Variants in CELF1 observed in about 807,000 individuals in gnomAD.
CELF1 encodes the protein 50 kDa nuclear polyadenylated RNA-binding protein.
A neutral mutation model predicts 61.8 loss-of-function variants in CELF1; 10 were observed. That is an observed-to-expected ratio of 0.16 (90% CI 0.10 to 0.27). The LOEUF (loss-of-function observed/expected upper bound fraction) is 0.27, where lower values mean the gene tolerates loss of function less well. Among genes scored for constraint, CELF1 ranks in the 10% least tolerant of loss-of-function variants. The probability of loss-of-function intolerance (pLI) is 1.00; values close to 1 mark genes in which losing one functional copy is unlikely to be tolerated. For synonymous variants in CELF1, 236 were observed against 225.1 expected (o/e 1.05, Z -0.43); for missense variants, 380 against 639.1 (o/e 0.59, Z 4.37).
Position 47,478,903 on chromosome 11 carries a change from G to C in CELF1, c.818C>G (p.Thr273Ser), listed in dbSNP as rs1184428530. ...QQTASSGNLNTLSSLHPMGGL... is the reference protein window; with the variant it reads ...QQTASSGNLNSLSSLHPMGGL... ...TCCCATTGGGTGGAGGCTGCTCAGG[G>C]TGTTGAGGTTCCCAGAGGAGGCAGT... Residue 273 changes from threonine (T) to serine (S), a missense_variant, in exon 10 of 15, where the codon ACC becomes AGC. Transcript: ENST00000687097. 1 of 1,613,226 alleles carries C rather than the reference G, an allele frequency of 6.2e-7. No homozygotes were observed. The highest frequency in any genetic ancestry group is 8.5e-7 in the Non-Finnish European group (1 of 1,179,648).
chr11:47,525,057 T>A (rs547464842), intron 1 of CELF1, among the ~76,000 whole-genome samples: 33 of 152,314 alleles, frequency 2.2e-4, no homozygotes, highest in African/African-American at 7.9e-4. Flanking sequence ...GTGGTGAGGC[T>A]CAATTTATCA....
intron 1 of CELF1, among the ~76,000 whole-genome samples, chr11:47,541,048 G>A (rs1384779838): frequency 2.6e-5 from 4 of 152,186 alleles, no homozygotes; most frequent in Non-Finnish European, 1.5e-5. Flanking sequence ...TGAGCTATGT[G>A]ACTGCAGTGT....
chr11:47,472,106 CGA>C lies in CELF1; in HGVS notation c.*122_*123del. 1.7e-6 allele frequency: 2 copies of C among 1,154,380 alleles called. No individual in the cohort carries two copies. Among genetic ancestry groups the C allele is most frequent in the Non-Finnish European group, 1.2e-6 (1 of 807,372 alleles). 71.5% of individuals were successfully genotyped at this position (1,154,380 alleles called of 1,614,324 possible). A position where few individuals can be genotyped will look rare whatever the true frequency, so the allele number is the denominator to read the frequency against. On this transcript the variant is annotated 3_prime_UTR_variant, in exon 15 of 15. Coordinates refer to ENST00000687097, the MANE Select transcript of CELF1 (RefSeq NM_001376376.1). Reference sequence around the variant, plus strand: ...GAGTCTTCAGGGCAAGCTGTGCCTGCGAGAGTGGCAGGGATCAGGGTCCAGGG... The same window carrying C: ...GAGTCTTCAGGGCAAGCTGTGCCTGCGAGTGGCAGGGATCAGGGTCCAGGG...
chr11:47,506,285 G>A (rs1380858110), intron 1 of CELF1, among the ~76,000 whole-genome samples: 2 of 151,046 alleles, frequency 1.3e-5, no homozygotes, highest in African/African-American at 4.9e-5. Flanking sequence ...CATTAGCCAG[G>A]CGTGGTGGCA....
chr11:47,534,025 T>C (rs865996723), intron 1 of CELF1, among the ~76,000 whole-genome samples: 12 of 138,582 alleles, frequency 8.7e-5, no homozygotes, highest in African/African-American at 2.1e-4. Context: ...TTCTTTCCTT[T>C]TTTTTTTTTT....
intron 10 of CELF1, among the ~76,000 whole-genome samples, chr11:47,477,869 G>C (rs1465043533): frequency 6.6e-6 from 1 of 152,154 alleles, no homozygotes; most frequent in African/African-American, 2.4e-5. Flanking sequence ...GAGCAAACAA[G>C]GGAGAACACA....
intron 2 of CELF1, among the ~76,000 whole-genome samples, chr11:47,558,565 T>TA (rs1244936687): frequency 9.4e-6 from 1 of 106,486 alleles, no homozygotes; most frequent in Non-Finnish European, 1.8e-5. Flanking sequence ...TATTTATATA[T>TA]AATATATAAA....
At chr11:47,549,867 A>G (rs943088898) in intron 1 of CELF1, among the ~76,000 whole-genome samples, 1 of 148,870 alleles carries the variant, frequency 6.7e-6, no homozygotes, top group Non-Finnish European at 1.5e-5. Context: ...CCCAGGCTGG[A>G]GTGCAGTGGT....
At chr11:47,501,662 CAAAAA>C (rs200413889) in intron 1 of CELF1, among the ~76,000 whole-genome samples, 1 of 148,478 alleles carries the variant, frequency 6.7e-6, no homozygotes, top group South Asian at 2.1e-4. Context: ...TAAAAAATAT[CAAAAA>C]AAAAAATTAG....
rs958477976 is a variant in CELF1 at position 47,470,455 on chromosome 11, G to A, written c.*1775C>T. The A allele has an allele frequency of 6.6e-6, 1 of 152,110 alleles. No homozygotes were observed. The highest frequency in any genetic ancestry group is 1.9e-4 in the East Asian group (1 of 5,196). The allele number at this position is 152,110 out of a possible 1,614,324, so 9.4% of individuals were successfully genotyped here. ...GTTTACGTGGTTCAGCTTAAGAAGT[G>A]TATGTTTCACGTTCCTTAGAGGACA... On this transcript the variant is annotated 3_prime_UTR_variant, in exon 15 of 15. Transcript: ENST00000687097.
rs541806318 is a variant in CELF1 at position 47,471,690 on chromosome 11, G to A, written c.*540C>T. On this transcript the variant is annotated 3_prime_UTR_variant, in exon 15 of 15. Transcript: ENST00000687097. Reference sequence around the variant, plus strand: ...TGAGTCTCCAGCTGCCAGGGCATTAGGTGTCTAGTCACTCCACTCTTCCCC... The same window carrying A: ...TGAGTCTCCAGCTGCCAGGGCATTAAGTGTCTAGTCACTCCACTCTTCCCC... 6.6e-6 allele frequency: 1 copy of A among 152,392 alleles called. No individual in the cohort carries two copies. The highest frequency in any genetic ancestry group is 2.4e-5 in the African/African-American group (1 of 41,548). The allele number at this position is 152,392 out of a possible 1,614,324, so 9.4% of individuals were successfully genotyped here.
chr11:47,487,806 A>G (rs2088476261), intron 4 of CELF1, among the ~76,000 whole-genome samples: 1 of 152,208 alleles, frequency 6.6e-6, no homozygotes, highest in African/African-American at 2.4e-5. Context: ...TAAGCTTCTA[A>G]AAGCACATGG....
At chr11:47,543,113 T>C (rs1206255567) in intron 1 of CELF1, among the ~76,000 whole-genome samples, 1 of 151,582 alleles carries the variant, frequency 6.6e-6, no homozygotes, top group Non-Finnish European at 1.5e-5. Context: ...CTGTCTCTAA[T>C]GGAAAAGAAG....
chr11:47,483,165 G>C (rs1231800193), intron 8 of CELF1, among the ~76,000 whole-genome samples: 2 of 152,080 alleles, frequency 1.3e-5, no homozygotes, highest in Admixed American at 6.6e-5. Flanking sequence ...TTGAGTGGCA[G>C]AGGTAGGGGG....
chr11:47,504,659 T>C (rs2094315724), intron 1 of CELF1, among the ~76,000 whole-genome samples: 2 of 146,428 alleles, frequency 1.4e-5, no homozygotes, highest in Non-Finnish European at 3.1e-5. Context: ...CCCAGCACTT[T>C]GGAAGGCCGA....
chr11:47,504,953 A>T (rs1304519322), intron 1 of CELF1, among the ~76,000 whole-genome samples: 1 of 151,286 alleles, frequency 6.6e-6, no homozygotes, highest in African/African-American at 2.4e-5. Context: ...CACTGTACCA[A>T]AAAAGCACTA....
chr11:47,565,031 TC>T (rs2097240383), intron 1 of CELF1, among the ~76,000 whole-genome samples: 1 of 152,072 alleles, frequency 6.6e-6, no homozygotes, highest in South Asian at 2.1e-4. Context: ...GGACCCCTGT[TC>T]ACCCTGGGAT....
At chr11:47,518,151 T>C (rs558247451) in intron 1 of CELF1, among the ~76,000 whole-genome samples, 2 of 152,356 alleles carry the variant, frequency 1.3e-5, no homozygotes, top group Admixed American at 1.3e-4. Flanking sequence ...TTTGTATTTT[T>C]TTCCTGCTTT....
intron 9 of CELF1, among the ~76,000 whole-genome samples, chr11:47,481,093 T>A (rs145741864): frequency 9.8e-6 from 1 of 102,108 alleles, no homozygotes; most frequent in Admixed American, 1.2e-4. Context: ...TTTTTTTTTT[T>A]TTCTTCTTCT....
Sources: gnomAD v4.1 joint callset for allele counts (sites outside exome capture counted in the v4.1 genomes callset) on GRCh38, gnomAD v4.1.1 for gene constraint, MANE v1.5 for transcripts, NCBI Gene and HGNC (gene_info 2026-07-23, HGNC 2026-07-21) for gene names.